The following DYM variants were observed in gnomAD, a reference collection of about 807,000 sequenced individuals.
The protein encoded by DYM is dyggve-Melchior-Clausen syndrome protein.
In DYM, 78 loss-of-function variants were observed where a neutral mutation model predicts 93.1. The observed-to-expected ratio is 0.84, with a 90% CI of 0.70 to 1.01. The LOEUF is 1.01. Among genes scored for constraint, DYM ranks in the 50% least tolerant of loss-of-function variants. The pLI is 0.00. For missense variants in DYM, 789 were observed against 845.0 expected (o/e 0.93, Z 0.82); for synonymous variants, 321 against 319.7 (o/e 1.00, Z -0.04).
At chr18:49,418,234 CA>C (rs2073223904) in intron 2 of DYM, among the ~76,000 whole-genome samples, 1 of 152,120 alleles carries the variant, frequency 6.6e-6, no homozygotes, top group Non-Finnish European at 1.5e-5. Flanking sequence ...TGTTCACACA[CA>C]CCATAGCCTC....
intron 14 of DYM, among the ~76,000 whole-genome samples, chr18:49,167,132 G>A (rs1275631378): frequency 1.3e-5 from 2 of 151,824 alleles, no homozygotes; most frequent in Non-Finnish European, 2.9e-5. Context: ...AACAGTCCTA[G>A]GGACCAGAGC....
Position 49,418,319 on chromosome 18 carries a change from CAT to C in DYM, c.140+11934_140+11935del, listed in dbSNP as rs139684631. Among the ~76,000 whole-genome samples, 386 of 152,008 alleles carry C rather than the reference CAT, an allele frequency of 2.5e-3. 1 individual carries two copies. Among genetic ancestry groups the C allele is most frequent in the African/African-American group, 8.9e-3 (371 of 41,466 alleles). On this transcript the variant is annotated intron_variant, in intron 2 of 17. Coordinates refer to ENST00000675505, the MANE Select transcript of DYM (RefSeq NM_001353214.3). ...TTGTTGCTATTATGTAGTTTAGAAA[CAT>C]GTATAAAATCAGTCATATAAGTAGT...
At chr18:49,156,196 GA>G (rs1250604191) in intron 15 of DYM, among the ~76,000 whole-genome samples, 2 of 152,016 alleles carry the variant, frequency 1.3e-5, no homozygotes, top group Non-Finnish European at 2.9e-5. Flanking sequence ...ATCTTCTTTG[GA>G]AAAATGTCTA....
intron 1 of DYM, among the ~76,000 whole-genome samples, chr18:49,455,794 C>T (rs1450392524): frequency 6.6e-6 from 1 of 151,944 alleles, no homozygotes; most frequent in African/African-American, 2.4e-5. Context: ...AAAAACAGTA[C>T]AAAAATTAGC....
chr18:49,224,542 AG>A (rs1804160111), intron 13 of DYM, among the ~76,000 whole-genome samples: 1 of 152,058 alleles, frequency 6.6e-6, no homozygotes, highest in Non-Finnish European at 1.5e-5. Flanking sequence ...GTCTTCGGGA[AG>A]GCATTAGGAT....
intron 15 of DYM, among the ~76,000 whole-genome samples, chr18:49,139,482 T>C (rs1259288532): frequency 6.6e-6 from 1 of 152,188 alleles, no homozygotes; most frequent in Admixed American, 6.5e-5. Flanking sequence ...TGTGAAAATA[T>C]CCATTTTTAA....
At chr18:49,427,609 C>T (rs899473155) in intron 2 of DYM, among the ~76,000 whole-genome samples, 1 of 151,852 alleles carries the variant, frequency 6.6e-6, no homozygotes, top group Non-Finnish European at 1.5e-5. Context: ...CTTTACGATA[C>T]TTAAAAAACA....
At chr18:49,089,895 A>G (rs1406842863) in intron 17 of DYM, among the ~76,000 whole-genome samples, 1 of 151,924 alleles carries the variant, frequency 6.6e-6, no homozygotes. Context: ...CTGCAAAATG[A>G]CTCTGGAGGG....
intron 17 of DYM, among the ~76,000 whole-genome samples, chr18:49,047,464 C>T (rs758636616): frequency 6.6e-6 from 1 of 152,242 alleles, no homozygotes; most frequent in Non-Finnish European, 1.5e-5. Context: ...GGCACCACTT[C>T]CAGCACTTGC....
chr18:49,396,742 T>C (rs1427495347), intron 2 of DYM, among the ~76,000 whole-genome samples: 2 of 152,100 alleles, frequency 1.3e-5, no homozygotes, highest in Admixed American at 1.3e-4. Flanking sequence ...TATTCAGGCA[T>C]AAAAATAAAT....
At chr18:49,256,979 A>G in intron 13 of DYM, 31 bp downstream of exon 13, 1 of 1,564,350 alleles carries the variant, frequency 6.4e-7, no homozygotes, top group Non-Finnish European at 8.8e-7. Flanking sequence ...GCCAGAGGCA[A>G]ATCAGTATTT....
At chr18:49,278,598 C>T (rs2094901609) in intron 10 of DYM, among the ~76,000 whole-genome samples, 2 of 152,012 alleles carry the variant, frequency 1.3e-5, no homozygotes, top group African/African-American at 2.4e-5. Flanking sequence ...GATACACAAC[C>T]CAAGAAGAGA....
At chr18:49,396,544 A>T (rs2070114574) in intron 2 of DYM, among the ~76,000 whole-genome samples, 1 of 152,222 alleles carries the variant, frequency 6.6e-6, no homozygotes, top group African/African-American at 2.4e-5. Context: ...AGCATTCTGG[A>T]TTTCAGATTT....
intron 8 of DYM, among the ~76,000 whole-genome samples, chr18:49,307,935 G>A (rs775096831): frequency 6.6e-6 from 1 of 152,230 alleles, no homozygotes; most frequent in Non-Finnish European, 1.5e-5. Flanking sequence ...ATTAATAAAA[G>A]TGACAGCTTG....
chr18:49,167,146 A>G (rs2088009468), intron 14 of DYM, among the ~76,000 whole-genome samples: 1 of 152,184 alleles, frequency 6.6e-6, no homozygotes, highest in East Asian at 1.9e-4. Context: ...CCAGAGCAAA[A>G]AACACTTGAA....
chr18:49,306,082 G>C (rs1336823106), intron 8 of DYM, among the ~76,000 whole-genome samples: 1 of 152,172 alleles, frequency 6.6e-6, no homozygotes, highest in Non-Finnish European at 1.5e-5. Flanking sequence ...AAGATTAGTG[G>C]ACTGAAAGAT....
At chr18:49,141,249 C>G (rs1818227462) in intron 15 of DYM, among the ~76,000 whole-genome samples, 1 of 152,192 alleles carries the variant, frequency 6.6e-6, no homozygotes, top group East Asian at 1.9e-4. Flanking sequence ...AGCATGTTGA[C>G]AACTGGACTC....
At chr18:49,185,041 CTGTG>C (rs551411921) in intron 14 of DYM, among the ~76,000 whole-genome samples, 17 of 152,020 alleles carry the variant, frequency 1.1e-4, no homozygotes, top group Middle Eastern at 6.8e-3. Context: ...CCTGAAGATG[CTGTG>C]TGTGTGTGAG....
At chr18:49,231,557 TC>T (rs2144428518) in intron 13 of DYM, among the ~76,000 whole-genome samples, 1 of 152,342 alleles carries the variant, frequency 6.6e-6, no homozygotes, top group South Asian at 2.1e-4. Flanking sequence ...CAGGACTCTT[TC>T]CCAAGTGAAA....
Sources: gnomAD v4.1 joint callset for allele counts (sites outside exome capture counted in the v4.1 genomes callset) on GRCh38, gnomAD v4.1.1 for gene constraint, MANE v1.5 for transcripts, NCBI Gene and HGNC (gene_info 2026-07-23, HGNC 2026-07-21) for gene names.